TMEM129: variants seen among roughly 807,000 people sequenced by gnomAD.
TMEM129 encodes the protein E3 ubiquitin-protein ligase TM129.
Under a neutral mutation model 34.1 loss-of-function variants are expected in TMEM129, and 35 were observed. The ratio of observed to expected loss-of-function variants is 1.03; its 90% CI spans 0.78 to 1.36. The LOEUF (loss-of-function observed/expected upper bound fraction) is 1.36, where lower values mean the gene tolerates loss of function less well. TMEM129 is among the 40% of genes most tolerant of loss of function. The pLI is 0.00. For synonymous variants in TMEM129, 239 were observed against 217.3 expected, an observed-to-expected ratio of 1.10 and a Z score of -0.88; for missense variants, 504 against 512.6, an observed-to-expected ratio of 0.98 and a Z score of 0.16.
chr4:1,720,539 T>C lies in TMEM129; in HGVS notation c.205+94A>G. ...TCTCCCCAGCTGCGCCCAGGCGCTTTCGGGGCCTCGGGGAGCTGGCGGAGG... is the reference window on the plus strand; with the variant it reads ...TCTCCCCAGCTGCGCCCAGGCGCTTCCGGGGCCTCGGGGAGCTGGCGGAGG... On this transcript the variant is annotated intron_variant, in intron 1 of 3. Coordinates refer to ENST00000382936, the MANE Select transcript of TMEM129 (RefSeq NM_001127266.2). The surrounding 1 kb of genome is among the most constrained non-coding windows in gnomAD (Gnocchi z 4.4). 1 of 1,416,094 alleles carries C rather than the reference T, an allele frequency of 7.1e-7. No homozygotes were observed. Among genetic ancestry groups the C allele is most frequent in the Non-Finnish European group, 9.3e-7 (1 of 1,073,400 alleles). The allele number at this position is 1,416,094 out of a possible 1,614,324, so 87.7% of individuals were successfully genotyped here.
rs533477803 is a variant in TMEM129, at chr4:1,719,104, G to A, written c.206-478C>T. On this transcript the variant is annotated intron_variant, in intron 1 of 3. Coordinates refer to ENST00000382936, the MANE Select transcript of TMEM129 (RefSeq NM_001127266.2). ...TCCAGAGGACACGGAGCCAGCTTCAGGGCCCTGCTGGCCAGATCGAGGACA... is the reference window on the plus strand; with the variant it reads ...TCCAGAGGACACGGAGCCAGCTTCAAGGCCCTGCTGGCCAGATCGAGGACA... The A allele has an allele frequency of 1.2e-5, 14 of 1,209,632 alleles. No homozygotes were observed. In the African/African-American group the frequency reaches 1.7e-4, roughly 15 times the overall value. The allele number at this position is 1,209,632 out of a possible 1,614,324, so 74.9% of individuals were successfully genotyped here.
chr4:1,718,671 C>T (rs778359806), intron 1 of TMEM129, 45 bp from the exon 2 acceptor site: 7 of 1,434,520 alleles, frequency 4.9e-6, no homozygotes, highest in South Asian at 1.5e-5. Context: ...AGTGGCAGGC[C>T]GCTGTCCACC....
Position 1,716,815 on chromosome 4 carries a change from A to C in TMEM129, c.*365T>G. The C allele has an allele frequency of 4.2e-6, 1 of 236,076 alleles. No homozygotes were observed. 14.6% of individuals were successfully genotyped at this position (236,076 alleles called of 1,614,324 possible). ...ACTGAGGGTGGGTATGCTCCAGAGA[A>C]GTAAGGCAAATGGCCCAGATGACGA... On this transcript the variant is annotated 3_prime_UTR_variant, in exon 4 of 4. Coordinates refer to ENST00000382936, the MANE Select transcript of TMEM129 (RefSeq NM_001127266.2).
intron 1 of TMEM129, chr4:1,719,289 C>T (rs1021429098): frequency 2.2e-6 from 1 of 453,758 alleles, no homozygotes; most frequent in Admixed American, 2.4e-5. Flanking sequence ...TGCAGTGGCT[C>T]ACACCTGTAA....
rs1323714988 is a variant in TMEM129 at position 1,717,155 on chromosome 4, G to A, written c.*25C>T. The A allele has an allele frequency of 1.3e-5, 18 of 1,414,920 alleles. No homozygotes were observed. The Admixed American group carries it at 4.2e-4, about 33-fold the overall frequency. 87.6% of individuals were successfully genotyped at this position (1,414,920 alleles called of 1,614,324 possible). A position where few individuals can be genotyped will look rare whatever the true frequency, so the allele number is the denominator to read the frequency against. On this transcript the variant is annotated 3_prime_UTR_variant, in exon 4 of 4. Transcript: ENST00000382936. ...CCCTGTGGCTTTGGGGGGAGACACA[G>A]AGTCACCTCAAGGCCCCAGCCCACT... is the stretch of plus-strand genomic sequence containing the variant.
intron 1 of TMEM129, 89 bp from the exon 2 acceptor site, chr4:1,718,715 G>A (rs547953039): frequency 7.0e-7 from 1 of 1,421,824 alleles, no homozygotes; most frequent in South Asian, 1.6e-5. Flanking sequence ...CTCTGCCCGG[G>A]TTCCAGGGTC....
intron 1 of TMEM129, 181 bp from the exon 2 acceptor site, chr4:1,718,807 A>G (rs1268238620): frequency 1.4e-6 from 2 of 1,401,330 alleles, no homozygotes; most frequent in African/African-American, 1.4e-5. Context: ...AAGGCAGGAT[A>G]TATTAGCGGA....
intron 1 of TMEM129, 123 bp from the exon 2 acceptor site, chr4:1,718,749 A>C (rs945185192): frequency 2.1e-6 from 3 of 1,415,762 alleles, no homozygotes; most frequent in Middle Eastern, 2.6e-4. Flanking sequence ...ATTGGGCTTT[A>C]CCCACTCTGC....
In TMEM129 at chr4:1,720,621, G is replaced by C; in HGVS notation, c.205+12C>G. 6.5e-7 allele frequency: 1 copy of C among 1,534,696 alleles called. No individual in the cohort carries two copies. The highest frequency in any genetic ancestry group is 8.7e-7 in the Non-Finnish European group (1 of 1,143,492). The stretch of plus-strand genomic sequence containing the variant: ...AGGAGAGGATGCGGCCGGCCGGCCC[G>C]AGCAGCCTCACCGAGCGGCAGCAGC... On this transcript the variant is annotated intron_variant, in intron 1 of 3. Transcript: ENST00000382936. The surrounding 1 kb of genome is among the most constrained non-coding windows in gnomAD (Gnocchi z 4.4).
At chr4:1,717,797 GGCCAGA>G (rs1717049655) in intron 2 of TMEM129, 122 bp from the exon 3 acceptor site, 1 of 1,354,234 alleles carries the variant, frequency 7.4e-7, no homozygotes, top group African/African-American at 1.5e-5. Context: ...ATGGCCCTAA[GGCCAGA>G]GCCCACGGAC....
intron 1 of TMEM129, chr4:1,718,855 C>G: frequency 7.2e-7 from 1 of 1,397,270 alleles, no homozygotes; most frequent in Non-Finnish European, 9.3e-7. Context: ...TCACACAATA[C>G]GTAAGTGTTG....
rs765952240 is a variant in TMEM129 at position 1,717,240 on chromosome 4, G to A, written c.1029C>T (p.Arg343=). 29 of 1,511,152 alleles carry A rather than the reference G, an allele frequency of 1.9e-5. 1 individual carries two copies. The highest frequency in any genetic ancestry group is 5.5e-5 in the African/African-American group (4 of 72,620). The allele number at this position is 1,511,152 out of a possible 1,614,324, so 93.6% of individuals were successfully genotyped here. The change falls in exon 4 of 4, where the codon CGC becomes CGT. Residue 343 remains arginine (R), a synonymous_variant. Transcript: ENST00000382936. ...GTGCGCGGCAGGTGGGGCAGGGCAC[G>A]CGGCTGGCCAGCCAGGTGTCAGGGC... is the stretch of plus-strand genomic sequence containing the variant. ...PLRPDTWLAS[R]VPCPTCRARF...
chr4:1,718,188 G>T lies in TMEM129; in HGVS notation c.644C>A (p.Ala215Asp). ...LPVQLLTIRV[A>D]STNPAVQAFD... ...GGCCTGCACAGCAGGGTTGGTGCTGGCCACACGGATGGTGAGGAGCTGCAC... is the reference window on the plus strand; with the variant it reads ...GGCCTGCACAGCAGGGTTGGTGCTGTCCACACGGATGGTGAGGAGCTGCAC... Residue 215 changes from alanine to aspartate, a missense_variant, in exon 2 of 4, where the codon GCC becomes GAC. Physicochemically the swap from Ala to Asp is moderately radical, Grantham distance 126 (BLOSUM62 -2). Coordinates refer to ENST00000382936, the MANE Select transcript of TMEM129 (RefSeq NM_001127266.2). The T allele has an allele frequency of 6.3e-7, 1 of 1,584,760 alleles. No homozygotes were observed.
rs1670740392 is a variant in TMEM129 at position 1,716,995 on chromosome 4, G to A, written c.*185C>T. 4 of 675,992 alleles carry A rather than the reference G, an allele frequency of 5.9e-6. No homozygotes were observed. The highest frequency in any genetic ancestry group is 1.8e-5 in the African/African-American group (1 of 54,156). The allele number at this position is 675,992 out of a possible 1,614,324, so 41.9% of individuals were successfully genotyped here. ...TACCCTGGCTGCCAAGCAGGGTGGG[G>A]TGTTTTCATGAGGATTGCTTTTAAC... On this transcript the variant is annotated 3_prime_UTR_variant, in exon 4 of 4. Transcript: ENST00000382936.
In TMEM129 at chr4:1,718,565, G is replaced by T; in HGVS notation, c.267C>A (p.Ala89=). 1 of 1,483,722 alleles carries T rather than the reference G, an allele frequency of 6.7e-7. No homozygotes were observed. Among genetic ancestry groups the T allele is most frequent in the South Asian group, 1.4e-5 (1 of 73,122 alleles). 91.9% of individuals were successfully genotyped at this position (1,483,722 alleles called of 1,614,324 possible). Residue 89 remains alanine (A), a synonymous_variant, in exon 2 of 4, where the codon GCC becomes GCA. Coordinates refer to ENST00000382936, the MANE Select transcript of TMEM129 (RefSeq NM_001127266.2). ...GCAGGAAGAGCCGCCAGGCCTCAGG[G>T]GCCTGGCTGAGGGCGTGGAGCCGCT... is the stretch of plus-strand genomic sequence containing the variant. The part of the protein sequence containing the change: ...SEKRLHALSQ[A]PEAWRLFLLL...
In TMEM129 at chr4:1,718,461, A is replaced by C; in HGVS notation, c.371T>G (p.Leu124Arg). 6.4e-7 allele frequency: 1 copy of C among 1,563,008 alleles called. No individual in the cohort carries two copies. Among genetic ancestry groups the C allele is most frequent in the African/African-American group, 1.4e-5 (1 of 73,848 alleles). Residue 124 changes from leucine to arginine, a missense_variant, in exon 2 of 4, where the codon CTG becomes CGG. Leu to Arg is a moderately radical substitution (Grantham distance 102). Transcript: ENST00000382936. ...WSRDRWACHP[L>R]ARTLALYALP... is the part of the protein sequence containing the mutation. The stretch of plus-strand genomic sequence containing the variant: ...GGCGTAGAGGGCCAGGGTGCGCGCC[A>C]GTGGGTGGCAGGCCCACCGGTCACG...
Position 1,720,793 on chromosome 4 carries a change from G to C in TMEM129, c.45C>G (p.Phe15Leu). The change falls in exon 1 of 4, where the codon TTC (phenylalanine) becomes TTG (leucine). Residue 15 changes from phenylalanine to leucine, a missense_variant. Phe to Leu is a conservative substitution (Grantham distance 22). Transcript: ENST00000382936. This position sits in a 1 kb window ranked among gnomAD's most constrained non-coding sequence, Gnocchi z 4.4. Reference sequence around the variant, plus strand: ...TGGGCGTGAACACGAAGCACACGGCGAACACCAGATAGGCGAGAGTGAAGG... The same window carrying C: ...TGGGCGTGAACACGAAGCACACGGCCAACACCAGATAGGCGAGAGTGAAGG... Reference protein sequence around the residue: ...EVTFTLAYLVFAVCFVFTPNE... With the variant: ...EVTFTLAYLVLAVCFVFTPNE... 1 of 1,595,756 alleles carries C rather than the reference G, an allele frequency of 6.3e-7. No homozygotes were observed. Among genetic ancestry groups the C allele is most frequent in the South Asian group, 1.1e-5 (1 of 88,314 alleles).
At chr4:1,718,678 C>T (rs1168311643) in intron 1 of TMEM129, 52 bp from the exon 2 acceptor site, 22 of 1,433,000 alleles carry the variant, frequency 1.5e-5, no homozygotes, top group Non-Finnish European at 2.0e-5. Context: ...GGCCGCTGTC[C>T]ACCCCCCGAC....
chr4:1,721,019 C>A lies in TMEM129; in HGVS notation c.-182G>T. ...GGCACTCTAGGACATGGAGTCCCGCCGCCCGGCCGCCCGCGGGGCACTCTA... is the reference window on the plus strand; with the variant it reads ...GGCACTCTAGGACATGGAGTCCCGCAGCCCGGCCGCCCGCGGGGCACTCTA... On this transcript the variant is annotated 5_prime_UTR_variant, in exon 1 of 4. Coordinates refer to ENST00000382936, the MANE Select transcript of TMEM129 (RefSeq NM_001127266.2). 3.1e-6 allele frequency: 1 copy of A among 320,230 alleles called. No homozygotes were observed. 19.8% of individuals were successfully genotyped at this position (320,230 alleles called of 1,614,324 possible). A position where few individuals can be genotyped will look rare whatever the true frequency, so the allele number is the denominator to read the frequency against.
Sources: gnomAD v4.1 joint callset for allele counts on GRCh38, gnomAD v4.1.1 for gene constraint, Gnocchi (gnomAD v3.1) non-coding constraint, MANE v1.5 for transcripts, NCBI Gene and HGNC (gene_info 2026-07-23, HGNC 2026-07-21) for gene names.